RAD51B: variants seen among roughly 807,000 people sequenced by gnomAD.
RAD51B encodes RAD51 paralog B, also known as DNA repair protein RAD51 homolog 2.
A neutral mutation model predicts 42.2 loss-of-function variants in RAD51B; 38 were observed. That is an observed-to-expected ratio of 0.90 (90% CI 0.70 to 1.18). The LOEUF is 1.18. RAD51B is among the 50% of genes most tolerant of loss of function. The pLI is 0.00. For synonymous variants in RAD51B, 154 were observed against 145.2 expected, an observed-to-expected ratio of 1.06 and a Z score of -0.43; for missense variants, 373 against 400.7, an observed-to-expected ratio of 0.93 and a Z score of 0.59.
At chr14:68,556,677 C>G (rs74837120) in intron 10 of RAD51B, among the ~76,000 whole-genome samples, 3,150 of 152,258 alleles carry the variant, frequency 0.021, 44 homozygotes, top group Middle Eastern at 0.045. Context: ...TCAGGAAACC[C>G]TACCATGGAG....
Position 68,218,355 on chromosome 14 carries a change from G to A in RAD51B, c.757-73529G>A, listed in dbSNP as rs17105191. Reference sequence around the variant, plus strand: ...GGCTCATTTCTAATCAAACTTTAATGCTGGCTTCAGCAAGGCCAGATGCCT... The same window carrying A: ...GGCTCATTTCTAATCAAACTTTAATACTGGCTTCAGCAAGGCCAGATGCCT... On this transcript the variant is annotated intron_variant, in intron 7 of 10. Transcript: ENST00000471583. 6.7e-3 allele frequency among the ~76,000 whole-genome samples: 1,020 copies of A among 152,306 alleles called. 9 individuals carry two copies. Among genetic ancestry groups the A allele is most frequent in the Middle Eastern group, 0.02 (6 of 294 alleles).
At chr14:68,217,127 C>T (rs931107975) in intron 7 of RAD51B, among the ~76,000 whole-genome samples, 1 of 152,142 alleles carries the variant, frequency 6.6e-6, no homozygotes, top group African/African-American at 2.4e-5. Flanking sequence ...CTGTGGCTGT[C>T]GCCTAAGGAT....
In RAD51B at chr14:68,575,044, A is replaced by G. The variant is rs1026622280; in HGVS notation, c.1037-19441A>G. Among the ~76,000 whole-genome samples, 3 of 152,258 alleles carry G rather than the reference A, an allele frequency of 2.0e-5. No homozygotes were observed. The South Asian group carries it at 6.2e-4, about 32-fold the overall frequency. ...ACATCCAAGTATGTTCTCCACAATG[A>G]CTTTTTCTCTAGTGGGAAGCCATGG... On this transcript the variant is annotated intron_variant, in intron 10 of 10. Coordinates refer to the RAD51B transcript ENST00000487270.
chr14:68,572,690 C>T (rs1479319016), intron 10 of RAD51B, among the ~76,000 whole-genome samples: 4 of 152,284 alleles, frequency 2.6e-5, no homozygotes, highest in Admixed American at 2.6e-4. Flanking sequence ...TTGTCCCGAC[C>T]TCCCAGTGGG....
rs796957788 is a variant in RAD51B at position 68,549,504 on chromosome 14, C to T, written c.1037-44981C>T. Among the ~76,000 whole-genome samples the T allele has an allele frequency of 1.3e-3, 178 of 142,162 alleles. 2 individuals are homozygous for T. Among genetic ancestry groups the T allele is most frequent in the African/African-American group, 4.4e-3 (171 of 38,804 alleles). 93.3% of individuals were successfully genotyped at this position (142,162 alleles called of 152,430 possible). ...GATCTCGACTCACTGCAAGCTCCGC[C>T]TCCCGGGTTCACGCCATTCTCCTGC... On this transcript the variant is annotated intron_variant, in intron 10 of 10. Coordinates refer to the RAD51B transcript ENST00000487270.
At chr14:68,181,477 T>C (rs913454291) in intron 7 of RAD51B, among the ~76,000 whole-genome samples, 1 of 152,194 alleles carries the variant, frequency 6.6e-6, no homozygotes, top group Non-Finnish European at 1.5e-5. Flanking sequence ...GACCTTTCTA[T>C]CTGTCCTTGA....
At chr14:68,604,633 C>A (rs369401008) in intron 10 of RAD51B, among the ~76,000 whole-genome samples, 51 of 152,326 alleles carry the variant, frequency 3.3e-4, no homozygotes, top group African/African-American at 1.2e-3. Flanking sequence ...CCAGCGGCAG[C>A]GCCATGGTCC....
chr14:68,393,919 A>G (rs2083835563), intron 8 of RAD51B, among the ~76,000 whole-genome samples: 2 of 152,148 alleles, frequency 1.3e-5, no homozygotes, highest in African/African-American at 4.8e-5. Flanking sequence ...CGTCTGCCCC[A>G]AATTCAGGTC....
At chr14:68,163,831 A>G (rs939732055) in intron 7 of RAD51B, among the ~76,000 whole-genome samples, 3 of 152,218 alleles carry the variant, frequency 2.0e-5, no homozygotes, top group Admixed American at 6.5e-5. Context: ...TGATCTTCAA[A>G]TCACCCAAGT....
At chr14:68,109,969 TCA>T (rs893301589) in intron 7 of RAD51B, among the ~76,000 whole-genome samples, 3 of 151,896 alleles carry the variant, frequency 2.0e-5, no homozygotes, top group African/African-American at 4.8e-5. Flanking sequence ...CATAGAAAGA[TCA>T]CACAGAGAGC....
chr14:68,272,163 G>A (rs1324814339), intron 7 of RAD51B, among the ~76,000 whole-genome samples: 1 of 152,180 alleles, frequency 6.6e-6, no homozygotes, highest in Non-Finnish European at 1.5e-5. Context: ...TCAGGCATTT[G>A]CTCAGCTGGT....
At chr14:67,872,553 A>G (rs2042577532) in intron 5 of RAD51B, among the ~76,000 whole-genome samples, 1 of 147,004 alleles carries the variant, frequency 6.8e-6, no homozygotes, top group Non-Finnish European at 1.5e-5. Context: ...CCATCAAGCT[A>G]CCAATGACTT....
intron 7 of RAD51B, among the ~76,000 whole-genome samples, chr14:68,033,468 C>A (rs1473540514): frequency 1.3e-5 from 2 of 151,840 alleles, no homozygotes; most frequent in African/African-American, 4.8e-5. Flanking sequence ...CACTTAATAT[C>A]AGCACTTCTG....
At chr14:68,300,457 G>A (rs1183226569) in intron 8 of RAD51B, among the ~76,000 whole-genome samples, 1 of 152,028 alleles carries the variant, frequency 6.6e-6, no homozygotes, top group African/African-American at 2.4e-5. Flanking sequence ...CAATCCTCCT[G>A]CCTCTACCTC....
chr14:68,203,344 A>G (rs1469691015), intron 7 of RAD51B, among the ~76,000 whole-genome samples: 1 of 152,192 alleles, frequency 6.6e-6, no homozygotes, highest in Non-Finnish European at 1.5e-5. Context: ...AACATTGTCA[A>G]TGAGCAGTAC....
At chr14:68,626,924 A>G (rs761637537) in intron 10 of RAD51B, among the ~76,000 whole-genome samples, 4 of 152,172 alleles carry the variant, frequency 2.6e-5, no homozygotes, top group Admixed American at 6.6e-5. Context: ...CCTTTGTTGA[A>G]CCGAGACAGA....
chr14:67,971,871 T>A (rs987602048), intron 7 of RAD51B, among the ~76,000 whole-genome samples: 44 of 151,852 alleles, frequency 2.9e-4, no homozygotes, highest in African/African-American at 7.3e-4. Context: ...AATTTTAGAT[T>A]TATTGAGTTC....
intron 8 of RAD51B, among the ~76,000 whole-genome samples, chr14:68,402,708 C>T (rs746168144): frequency 3.3e-5 from 5 of 152,148 alleles, no homozygotes; most frequent in East Asian, 1.9e-4. Flanking sequence ...TCAAAGACAG[C>T]GCATGGAGTG....
chr14:68,253,569 A>G (rs1353955929), intron 7 of RAD51B, among the ~76,000 whole-genome samples: 1 of 152,196 alleles, frequency 6.6e-6, no homozygotes, highest in Admixed American at 6.5e-5. Context: ...CATTTTTTGT[A>G]TAATCAAATA....
Sources: gnomAD v4.1 joint callset for allele counts (sites outside exome capture counted in the v4.1 genomes callset) on GRCh38, gnomAD v4.1.1 for gene constraint, MANE v1.5 for transcripts, NCBI Gene and HGNC (gene_info 2026-07-23, HGNC 2026-07-21) for gene names.